Variants in RGS5 observed in about 807,000 individuals in gnomAD.
RGS5 encodes regulator of G-protein signalling 5.
A neutral mutation model predicts 18.9 loss-of-function variants in RGS5; 20 were observed. The observed-to-expected ratio is 1.06, with a 90% CI of 0.74 to 1.54. The LOEUF (loss-of-function observed/expected upper bound fraction) is 1.54, where lower values mean the gene tolerates loss of function less well. Ranked by LOEUF, RGS5 falls within the 40% of genes most tolerant of loss-of-function variation. RGS5 has a pLI of 0.00. For missense variants in RGS5, 201 were observed against 211.8 expected (o/e 0.95, Z 0.32); for synonymous variants, 57 against 76.2 (o/e 0.75, Z 1.31).
chr1:163,315,227 A>G (rs1456641917), intron 1 of RGS5, among the ~76,000 whole-genome samples: 1 of 152,156 alleles, frequency 6.6e-6, no homozygotes, highest in East Asian at 1.9e-4. Context: ...AGCACTGGAT[A>G]TTGTAATACT....
chr1:163,224,288 G>T (rs1445001118), intron 2 of RGS5, among the ~76,000 whole-genome samples: 1 of 151,730 alleles, frequency 6.6e-6, no homozygotes, highest in African/African-American at 2.4e-5. Context: ...TTCTACATGT[G>T]TGAGATCATG....
intron 3 of RGS5, among the ~76,000 whole-genome samples, chr1:163,155,674 C>T (rs899193131): frequency 6.6e-6 from 1 of 152,092 alleles, no homozygotes; most frequent in African/African-American, 2.4e-5. Flanking sequence ...CAATCCAGGC[C>T]AAATGTCTCT....
chr1:163,188,988 G>A (rs976738523), intron 1 of RGS5, among the ~76,000 whole-genome samples: 6 of 144,816 alleles, frequency 4.1e-5, no homozygotes, highest in African/African-American at 1.5e-4. Context: ...CTGTAAGGTT[G>A]TAAGGTCTGT....
intron 1 of RGS5, among the ~76,000 whole-genome samples, chr1:163,310,502 G>T (rs1300800762): frequency 6.6e-6 from 1 of 151,306 alleles, no homozygotes; most frequent in Admixed American, 6.6e-5. Flanking sequence ...ATGAACCCGG[G>T]AGGTGGAGCT....
intron 3 of RGS5, among the ~76,000 whole-genome samples, chr1:163,157,879 T>C (rs760481587): frequency 9.9e-5 from 15 of 152,126 alleles, no homozygotes; most frequent in Non-Finnish European, 2.1e-4. Context: ...GGTCTTTTTA[T>C]GTTGCCCAGA....
chr1:163,261,950 G>C (rs1557923578), intron 2 of RGS5, among the ~76,000 whole-genome samples: 1 of 151,838 alleles, frequency 6.6e-6, no homozygotes, highest in Non-Finnish European at 1.5e-5. Flanking sequence ...GGATGATCTA[G>C]GCCTGTGTAA....
intron 4 of RGS5, among the ~76,000 whole-genome samples, chr1:163,150,289 T>C (rs1657322613): frequency 6.6e-6 from 1 of 152,212 alleles, no homozygotes; most frequent in African/African-American, 2.4e-5. Flanking sequence ...TTTAAAATTA[T>C]ATTTTAGGTT....
intron 2 of RGS5, 138 bp downstream of exon 2, chr1:163,168,120 A>C: frequency 1.7e-6 from 1 of 599,644 alleles, no homozygotes; most frequent in Non-Finnish European, 2.9e-6. Flanking sequence ...GCTTCTTTGC[A>C]AACCAACTCT....
intron 2 of RGS5, among the ~76,000 whole-genome samples, chr1:163,299,407 A>T (rs913124365): frequency 6.6e-6 from 1 of 152,190 alleles, no homozygotes; most frequent in Non-Finnish European, 1.5e-5. Flanking sequence ...CAGGGAGTCC[A>T]TTGAAGACAA....
chr1:163,230,876 T>G (rs1384076356), intron 2 of RGS5, among the ~76,000 whole-genome samples: 3 of 152,252 alleles, frequency 2.0e-5, no homozygotes, highest in Non-Finnish European at 4.4e-5. Flanking sequence ...CAGGATATGT[T>G]AATCAGATGT....
chr1:163,227,764 C>A (rs1249233028), intron 2 of RGS5, among the ~76,000 whole-genome samples: 1 of 152,148 alleles, frequency 6.6e-6, no homozygotes, highest in Non-Finnish European at 1.5e-5. Flanking sequence ...TTATTTAATT[C>A]TAAGATACAA....
intron 2 of RGS5, among the ~76,000 whole-genome samples, chr1:163,273,112 T>G (rs1361756419): frequency 6.6e-6 from 1 of 151,950 alleles, no homozygotes. Context: ...TATGATTAAT[T>G]TTCTTCAAAA....
At chr1:163,192,749 A>T (rs550168324) in intron 1 of RGS5, among the ~76,000 whole-genome samples, 1 of 152,278 alleles carries the variant, frequency 6.6e-6, no homozygotes, top group African/African-American at 2.4e-5. Context: ...AAGACTCTGA[A>T]AGTCTGTCAT....
At chr1:163,227,933 G>C (rs1342337832) in intron 2 of RGS5, among the ~76,000 whole-genome samples, 2 of 152,162 alleles carry the variant, frequency 1.3e-5, no homozygotes, top group Non-Finnish European at 2.9e-5. Flanking sequence ...CTCACATCCA[G>C]GTCACACTGA....
At chr1:163,282,200 T>C (rs1649012956) in intron 2 of RGS5, among the ~76,000 whole-genome samples, 1 of 152,032 alleles carries the variant, frequency 6.6e-6, no homozygotes, top group Non-Finnish European at 1.5e-5. Flanking sequence ...CAAGCGACTA[T>C]CAATATCCAG....
chr1:163,239,583 T>C (rs1396252466), intron 2 of RGS5, among the ~76,000 whole-genome samples: 3 of 152,076 alleles, frequency 2.0e-5, no homozygotes, highest in African/African-American at 7.2e-5. Flanking sequence ...AGGCAGAACA[T>C]TTTAAATAAG....
At chr1:163,203,996 C>T (rs1408809382), upstream of RGS5, among the ~76,000 whole-genome samples, 2 of 152,228 alleles carry the variant, frequency 1.3e-5, no homozygotes, top group East Asian at 3.9e-4. Context: ...TGGAATTGAA[C>T]AGTACTCTCA....
chr1:163,246,979 G>A (rs1022847010), intron 2 of RGS5, among the ~76,000 whole-genome samples: 3 of 152,134 alleles, frequency 2.0e-5, no homozygotes, highest in Non-Finnish European at 4.4e-5. Context: ...ATTAATGCAG[G>A]AACAGAAAGC....
intron 2 of RGS5, among the ~76,000 whole-genome samples, chr1:163,299,115 T>G (rs1487935110): frequency 2.0e-5 from 3 of 152,130 alleles, no homozygotes; most frequent in Non-Finnish European, 4.4e-5. Flanking sequence ...AGGAGCTGAA[T>G]AGTATAGACA....
Sources: allele counts gnomAD v4.1 joint callset (sites outside exome capture counted in the v4.1 genomes callset), GRCh38; gene constraint gnomAD v4.1.1; transcripts MANE v1.5; gene names NCBI Gene and HGNC (gene_info 2026-07-23, HGNC 2026-07-21).